Variants in R3HCC1L observed in about 807,000 individuals in gnomAD.
The protein encoded by R3HCC1L is R3H domain and coiled-coil containing 1 like.
In R3HCC1L, 51 loss-of-function variants were observed where a neutral mutation model predicts 59.9. The ratio of observed to expected loss-of-function variants is 0.85; its 90% CI spans 0.68 to 1.07. R3HCC1L has a LOEUF of 1.07. Among genes scored for constraint, R3HCC1L ranks in the 50% least tolerant of loss-of-function variants. R3HCC1L has a pLI of 0.00. For missense variants in R3HCC1L, 965 were observed against 933.0 expected (o/e 1.03, Z -0.45); for synonymous variants, 322 against 315.2 (o/e 1.02, Z -0.23).
intron 4 of R3HCC1L, among the ~76,000 whole-genome samples, chr10:98,200,947 A>G (rs1487297069): frequency 2.6e-5 from 4 of 152,204 alleles, no homozygotes; most frequent in African/African-American, 4.8e-5. Context: ...TAACTTACAT[A>G]GTGTGTCTTG....
At chr10:98,226,499 C>T (rs1328081141) in intron 5 of R3HCC1L, among the ~76,000 whole-genome samples, 1 of 152,192 alleles carries the variant, frequency 6.6e-6, no homozygotes, top group Non-Finnish European at 1.5e-5. Context: ...TTTACATATT[C>T]AGTGCAATCC....
chr10:98,139,940 A>G (rs942002199), intron 1 of R3HCC1L, among the ~76,000 whole-genome samples: 7 of 151,474 alleles, frequency 4.6e-5, no homozygotes, highest in African/African-American at 1.7e-4. Flanking sequence ...TCTAGTATCT[A>G]GTATCGTGAG....
chr10:98,182,246 A>G (rs1031709084), intron 4 of R3HCC1L, among the ~76,000 whole-genome samples: 3 of 151,982 alleles, frequency 2.0e-5, no homozygotes, highest in South Asian at 2.1e-4. Flanking sequence ...ATTCCTTTCT[A>G]TTTGTTAGTT....
chr10:98,237,421 T>G (rs1028272779), intron 9 of R3HCC1L, among the ~76,000 whole-genome samples: 11 of 152,208 alleles, frequency 7.2e-5, no homozygotes, highest in African/African-American at 2.7e-4. Context: ...CATGCTTCTC[T>G]GTGGGTGTAT....
chr10:98,140,463 G>T (rs1483767729), intron 1 of R3HCC1L, among the ~76,000 whole-genome samples: 4 of 152,136 alleles, frequency 2.6e-5, no homozygotes, highest in Non-Finnish European at 5.9e-5. Context: ...AGGAGGGTCA[G>T]TCAGAGACAG....
intron 1 of R3HCC1L, among the ~76,000 whole-genome samples, chr10:98,140,987 A>G (rs1845079201): frequency 6.6e-6 from 1 of 152,094 alleles, no homozygotes; most frequent in Non-Finnish European, 1.5e-5. Flanking sequence ...CACAATCTAA[A>G]CATAACATAA....
At chr10:98,204,557 G>T (rs1336383546) in intron 4 of R3HCC1L, among the ~76,000 whole-genome samples, 1 of 152,144 alleles carries the variant, frequency 6.6e-6, no homozygotes, top group Non-Finnish European at 1.5e-5. Flanking sequence ...AGTTGCAAAA[G>T]AAATTCATAA....
chr10:98,172,678 T>C, intron 4 of R3HCC1L, among the ~76,000 whole-genome samples: 1 of 152,204 alleles, frequency 6.6e-6, no homozygotes, highest in South Asian at 2.1e-4. Context: ...TGAAATACTT[T>C]CTAACCAACA....
At chr10:98,179,804 G>T (rs1306739567) in intron 4 of R3HCC1L, among the ~76,000 whole-genome samples, 1 of 152,118 alleles carries the variant, frequency 6.6e-6, no homozygotes, top group African/African-American at 2.4e-5. Flanking sequence ...GGGTGTATAT[G>T]TCCAGGAATT....
intron 4 of R3HCC1L, among the ~76,000 whole-genome samples, chr10:98,193,102 A>C (rs1851039714): frequency 6.8e-6 from 1 of 147,788 alleles, no homozygotes; most frequent in Non-Finnish European, 1.5e-5. Context: ...AACACTCAAC[A>C]ACCTAGGAAT....
intron 4 of R3HCC1L, among the ~76,000 whole-genome samples, chr10:98,187,057 A>G (rs1379513583): frequency 2.0e-5 from 3 of 152,154 alleles, no homozygotes; most frequent in African/African-American, 4.8e-5. Flanking sequence ...TGATGTATAC[A>G]AGCACTTAAC....
chr10:98,165,216 A>G (rs577914591), intron 4 of R3HCC1L, among the ~76,000 whole-genome samples: 1 of 152,334 alleles, frequency 6.6e-6, no homozygotes, highest in East Asian at 1.9e-4. Flanking sequence ...GTGAGCTGAG[A>G]TTGCGCCAGT....
chr10:98,242,765 C>T (rs556790386), intron 9 of R3HCC1L, among the ~76,000 whole-genome samples: 1 of 152,270 alleles, frequency 6.6e-6, no homozygotes, highest in East Asian at 1.9e-4. Context: ...ATTTTGATTG[C>T]TTTCATCCAT....
At chr10:98,151,914 C>CTCTCCCTCTCCCTCTCCCCACGG (rs1564618319) in intron 1 of R3HCC1L, among the ~76,000 whole-genome samples, 7 of 152,046 alleles carry the variant, frequency 4.6e-5, no homozygotes, top group African/African-American at 7.2e-5. Flanking sequence ...CGCTCTCTCT[C>CTCTCCCTCTCCCTCTCCCCACGG]TCTCCCTCTC....
In R3HCC1L at chr10:98,163,293, G is replaced by C; in HGVS notation, c.-119G>C. 1 of 610,304 alleles carries C rather than the reference G, an allele frequency of 1.6e-6. No homozygotes were observed. 37.8% of individuals were successfully genotyped at this position (610,304 alleles called of 1,614,324 possible). The stretch of plus-strand genomic sequence containing the variant: ...ATAACTTATTATTACTATTTTTCAG[G>C]TGAGGCTGCTGTCAGAAAGGAACTT... On this transcript the variant is annotated splice_region_variant and 5_prime_UTR_variant, in exon 4 of 10. Coordinates refer to ENST00000298999, the MANE Select transcript of R3HCC1L (RefSeq NM_001351015.2).
intron 1 of R3HCC1L, among the ~76,000 whole-genome samples, chr10:98,141,867 A>T (rs1287614032): frequency 6.6e-6 from 1 of 152,178 alleles, no homozygotes; most frequent in African/African-American, 2.4e-5. Context: ...ATTCAAGGAG[A>T]GAGTGACAGT....
intron 5 of R3HCC1L, among the ~76,000 whole-genome samples, chr10:98,221,253 G>C (rs1455773809): frequency 2.0e-5 from 3 of 151,498 alleles, no homozygotes; most frequent in African/African-American, 7.3e-5. Context: ...AAATTTGTTT[G>C]AGTTCATTGT....
At chr10:98,206,999 A>T (rs548979635) in intron 4 of R3HCC1L, among the ~76,000 whole-genome samples, 1 of 152,366 alleles carries the variant, frequency 6.6e-6, no homozygotes, top group African/African-American at 2.4e-5. Flanking sequence ...AACCTGTGCC[A>T]TGAGAATAGA....
At chr10:98,159,077 G>A (rs1847156331) in intron 2 of R3HCC1L, among the ~76,000 whole-genome samples, 2 of 152,040 alleles carry the variant, frequency 1.3e-5, no homozygotes, top group African/African-American at 4.8e-5. Context: ...AAAAGTGTTG[G>A]GATTACAGGT....
Sources: gnomAD v4.1 joint callset for allele counts (sites outside exome capture counted in the v4.1 genomes callset) on GRCh38, gnomAD v4.1.1 for gene constraint, MANE v1.5 for transcripts, NCBI Gene and HGNC (gene_info 2026-07-23, HGNC 2026-07-21) for gene names.